RSU1: variants seen among roughly 807,000 people sequenced by gnomAD.
RSU1 encodes the protein Ras suppressor protein 1.
In RSU1, 26 loss-of-function variants were observed where a neutral mutation model predicts 31.1. That is an observed-to-expected ratio of 0.84 (90% CI 0.61 to 1.16). The LOEUF is 1.16. Among genes scored for constraint, RSU1 ranks in the 50% most tolerant of loss-of-function variants. The pLI, the probability that RSU1 is intolerant of heterozygous loss-of-function variation, is 0.00. For missense variants in RSU1, 320 were observed against 339.1 expected, an observed-to-expected ratio of 0.94 and a Z score of 0.44; for synonymous variants, 164 against 136.3, an observed-to-expected ratio of 1.20 and a Z score of -1.41.
chr10:16,752,750 A>G, intron 6 of RSU1, 97 bp from the exon 7 acceptor site: 1 of 1,068,146 alleles, frequency 9.4e-7, no homozygotes, highest in Non-Finnish European at 1.4e-6. Context: ...CTAAAGCTCA[A>G]TCCTTTCCAT....
At chr10:16,760,709 C>T (rs1837195063) in intron 4 of RSU1, among the ~76,000 whole-genome samples, 1 of 152,050 alleles carries the variant, frequency 6.6e-6, no homozygotes, top group Non-Finnish European at 1.5e-5. Context: ...TACTGTCTGT[C>T]AACGTTACCG....
chr10:16,769,239 C>T (rs865783398), intron 3 of RSU1, among the ~76,000 whole-genome samples: 5 of 152,338 alleles, frequency 3.3e-5, no homozygotes, highest in Non-Finnish European at 7.3e-5. Flanking sequence ...CAACTCAAAG[C>T]ATTTTAGGAG....
intron 3 of RSU1, among the ~76,000 whole-genome samples, chr10:16,777,587 CA>C (rs1268169846): frequency 6.6e-6 from 1 of 152,050 alleles, no homozygotes; most frequent in Non-Finnish European, 1.5e-5. Flanking sequence ...TCTTTAGGTA[CA>C]AAACCTGGAG....
chr10:16,667,545 T>G (rs1182797917), intron 8 of RSU1, among the ~76,000 whole-genome samples: 2 of 152,058 alleles, frequency 1.3e-5, no homozygotes, highest in Admixed American at 1.3e-4. Flanking sequence ...TGGAGTGCAC[T>G]GGTGCTATCT....
chr10:16,622,608 T>C (rs981151351), intron 8 of RSU1, among the ~76,000 whole-genome samples: 1 of 151,860 alleles, frequency 6.6e-6, no homozygotes, highest in South Asian at 2.1e-4. Flanking sequence ...AGAATAGATA[T>C]GGGAAAAAAA....
At chr10:16,800,754 G>T (rs1418497991) in intron 2 of RSU1, among the ~76,000 whole-genome samples, 1 of 152,136 alleles carries the variant, frequency 6.6e-6, no homozygotes, top group Non-Finnish European at 1.5e-5. Flanking sequence ...ATTTAAAAGT[G>T]AGTTAAGATT....
intron 8 of RSU1, among the ~76,000 whole-genome samples, chr10:16,679,178 C>A (rs937508832): frequency 6.6e-6 from 1 of 152,106 alleles, no homozygotes; most frequent in Non-Finnish European, 1.5e-5. Flanking sequence ...ACTCCAGACC[C>A]CAGAATGGTC....
At chr10:16,700,561 C>T (rs2131569511) in intron 7 of RSU1, among the ~76,000 whole-genome samples, 1 of 152,322 alleles carries the variant, frequency 6.6e-6, no homozygotes, top group Non-Finnish European at 1.5e-5. Flanking sequence ...GACAAAGATT[C>T]TACACATAAG....
At chr10:16,741,915 A>T (rs75314992) in intron 7 of RSU1, among the ~76,000 whole-genome samples, 5,961 of 152,036 alleles carry the variant, frequency 0.039, 327 homozygotes, top group African/African-American at 0.12. Flanking sequence ...TCTTTCAAAG[A>T]TTTTCTTCAT....
chr10:16,694,284 C>A (rs1283781949), intron 8 of RSU1, among the ~76,000 whole-genome samples: 1 of 152,184 alleles, frequency 6.6e-6, no homozygotes, highest in Non-Finnish European at 1.5e-5. Flanking sequence ...AAGAGATTAT[C>A]ATCTCACTAC....
chr10:16,800,124 G>A (rs1415738862), intron 2 of RSU1, among the ~76,000 whole-genome samples: 3 of 152,096 alleles, frequency 2.0e-5, no homozygotes, highest in South Asian at 2.1e-4. Context: ...ACAAAAATGT[G>A]AGAACTCGCA....
intron 8 of RSU1, among the ~76,000 whole-genome samples, chr10:16,599,666 T>G (rs961842057): frequency 1.3e-5 from 2 of 152,240 alleles, no homozygotes; most frequent in Non-Finnish European, 2.9e-5. Flanking sequence ...GAAACGCTCT[T>G]GTCCCTTGGG....
At chr10:16,769,255 AC>A (rs1837376598) in intron 3 of RSU1, among the ~76,000 whole-genome samples, 1 of 152,262 alleles carries the variant, frequency 6.6e-6, no homozygotes, top group Non-Finnish European at 1.5e-5. Flanking sequence ...AGGAGTTTAT[AC>A]AATAATAATT....
Position 16,695,061 on chromosome 10 carries a change from G to C in RSU1, c.693C>G (p.Ser231=). The C allele has an allele frequency of 6.2e-7, 1 of 1,610,864 alleles. No homozygotes were observed. Among genetic ancestry groups the C allele is most frequent in the African/African-American group, 1.3e-5 (1 of 74,690 alleles). The change falls in exon 8 of 9, where the codon TCC becomes TCG. Residue 231 remains serine, a synonymous_variant. Transcript: ENST00000345264. ...CAGAACGGATATACTCAAAAACATGGGACACGCCAAGCTGGAACTGGTCTG... is the reference window on the plus strand; with the variant it reads ...CAGAACGGATATACTCAAAAACATGCGACACGCCAAGCTGGAACTGGTCTG... The part of the protein sequence containing the change: ...PIADQFQLGV[S]HVFEYIRSET...
intron 8 of RSU1, among the ~76,000 whole-genome samples, chr10:16,669,219 GA>G (rs1564309197): frequency 6.6e-6 from 1 of 151,824 alleles, no homozygotes; most frequent in Admixed American, 6.6e-5. Flanking sequence ...TGTTACAGAA[GA>G]AAAAAAATTC....
chr10:16,773,559 C>T (rs1440593742), intron 3 of RSU1, among the ~76,000 whole-genome samples: 2 of 152,202 alleles, frequency 1.3e-5, no homozygotes, highest in East Asian at 1.9e-4. Flanking sequence ...GCAGGGGACA[C>T]GGCGGAGCAG....
intron 8 of RSU1, among the ~76,000 whole-genome samples, chr10:16,665,321 C>A (rs187832794): frequency 1.1e-4 from 16 of 152,256 alleles, no homozygotes; most frequent in Admixed American, 6.5e-5. Flanking sequence ...CTATTATCAT[C>A]TAATTTTACA....
At chr10:16,789,828 G>A (rs1286654281) in intron 2 of RSU1, among the ~76,000 whole-genome samples, 1 of 152,212 alleles carries the variant, frequency 6.6e-6, no homozygotes, top group Non-Finnish European at 1.5e-5. Context: ...AATTCCTAAA[G>A]CAATATTCAA....
chr10:16,661,923 T>G (rs1386020767), intron 8 of RSU1, among the ~76,000 whole-genome samples: 2 of 152,232 alleles, frequency 1.3e-5, no homozygotes, highest in Non-Finnish European at 2.9e-5. Context: ...AGCAATATAG[T>G]TATAAAATAC....
Sources: allele counts gnomAD v4.1 joint callset (sites outside exome capture counted in the v4.1 genomes callset), GRCh38; gene constraint gnomAD v4.1.1; transcripts MANE v1.5; gene names NCBI Gene and HGNC (gene_info 2026-07-23, HGNC 2026-07-21).